PPP3CA: variants seen among roughly 807,000 people sequenced by gnomAD.
The protein encoded by PPP3CA is protein phosphatase 3 catalytic subunit alpha, also known as CAM-PRP catalytic subunit.
PPP3CA carries 14 observed loss-of-function variants against 66.5 expected under a neutral mutation model. That is an observed-to-expected ratio of 0.21 (90% CI 0.14 to 0.33). The LOEUF is 0.33. Among genes scored for constraint, PPP3CA ranks in the 10% least tolerant of loss-of-function variants. The pLI, the probability that PPP3CA is intolerant of heterozygous loss-of-function variation, is 1.00. For missense variants in PPP3CA, 317 were observed against 639.5 expected (o/e 0.50, Z 5.44); for synonymous variants, 232 against 226.2 (o/e 1.03, Z -0.23).
chr4:101,254,354 T>C (rs9991157), intron 1 of PPP3CA, among the ~76,000 whole-genome samples: 5,769 of 152,106 alleles, frequency 0.038, 350 homozygotes, highest in African/African-American at 0.13. Context: ...CTGCTAGTTA[T>C]AGAATGTGTA....
At chr4:101,224,643 C>T (rs138688098) in intron 1 of PPP3CA, among the ~76,000 whole-genome samples, 73 of 151,788 alleles carry the variant, frequency 4.8e-4, no homozygotes, top group Admixed American at 1.7e-3. Flanking sequence ...GAAAAACCTG[C>T]CGTAGCTAAT....
intron 10 of PPP3CA, among the ~76,000 whole-genome samples, chr4:101,051,954 T>C (rs528769270): frequency 2.6e-4 from 39 of 152,092 alleles, no homozygotes; most frequent in Middle Eastern, 3.2e-3. Flanking sequence ...TAATATTACC[T>C]TACTGTGAGT....
intron 2 of PPP3CA, among the ~76,000 whole-genome samples, chr4:101,115,154 T>G (rs1360066570): frequency 6.6e-6 from 1 of 152,044 alleles, no homozygotes; most frequent in Non-Finnish European, 1.5e-5. Flanking sequence ...AGGGACTCTT[T>G]GTAGTTAGCT....
At chr4:101,338,544 G>A (rs1729707989) in intron 1 of PPP3CA, among the ~76,000 whole-genome samples, 1 of 152,188 alleles carries the variant, frequency 6.6e-6, no homozygotes, top group African/African-American at 2.4e-5. Flanking sequence ...TAGAACTTCT[G>A]TCTCTAGGAC....
At chr4:101,066,438 G>C (rs1209980955) in intron 8 of PPP3CA, among the ~76,000 whole-genome samples, 1 of 152,002 alleles carries the variant, frequency 6.6e-6, no homozygotes, top group Non-Finnish European at 1.5e-5. Flanking sequence ...AAACTTCACT[G>C]TTAACAATGA....
chr4:101,111,913 G>T (rs1326392057), intron 2 of PPP3CA, among the ~76,000 whole-genome samples: 2 of 152,130 alleles, frequency 1.3e-5, no homozygotes, highest in Non-Finnish European at 2.9e-5. Flanking sequence ...ATAGAACTCC[G>T]GTGCTTGGAG....
At chr4:101,064,492 G>T (rs1023649740) in intron 8 of PPP3CA, among the ~76,000 whole-genome samples, 3 of 151,930 alleles carry the variant, frequency 2.0e-5, no homozygotes, top group African/African-American at 7.2e-5. Context: ...GTAACCAACA[G>T]ATTTTATATG....
chr4:101,316,690 T>C (rs551893459), intron 1 of PPP3CA, among the ~76,000 whole-genome samples: 2 of 152,332 alleles, frequency 1.3e-5, no homozygotes, highest in Non-Finnish European at 2.9e-5. Flanking sequence ...AGCAATCAAA[T>C]CTGAGAGTTG....
At chr4:101,072,542 G>A (rs774000324) in intron 8 of PPP3CA, among the ~76,000 whole-genome samples, 2 of 152,106 alleles carry the variant, frequency 1.3e-5, no homozygotes, top group Non-Finnish European at 2.9e-5. Context: ...GTAATTCATA[G>A]GGTTGTTGAA....
At chr4:101,165,849 C>A (rs892930019) in intron 2 of PPP3CA, among the ~76,000 whole-genome samples, 7 of 152,036 alleles carry the variant, frequency 4.6e-5, no homozygotes, top group Admixed American at 4.6e-4. Context: ...TTCTATATAA[C>A]AACAGAAGTG....
At chr4:101,256,370 C>A (rs566583572) in intron 1 of PPP3CA, among the ~76,000 whole-genome samples, 5 of 151,954 alleles carry the variant, frequency 3.3e-5, no homozygotes, top group Non-Finnish European at 7.4e-5. Flanking sequence ...TCTGGCAAAT[C>A]ATCACTGGCT....
At position 101,106,458 on chromosome 4, in the gene PPP3CA, A is replaced by AGAAAGAAAG. The variant is rs1560605216; in HGVS notation, c.384+2495_384+2496insCTTTCTTTC. 2.1e-4 allele frequency among the ~76,000 whole-genome samples: 7 copies of AGAAAGAAAG among 32,674 alleles called. 1 individual carries two copies. The highest frequency in any genetic ancestry group is 4.0e-4 in the Non-Finnish European group (7 of 17,304). The allele number at this position is 32,674 out of a possible 152,430, so 21.4% of individuals were successfully genotyped here. A position where few individuals can be genotyped will look rare whatever the true frequency, so the allele number is the denominator to read the frequency against. ...GAAAGAAAGAAAGAAAGAAAGAGAA[A>AGAAAGAAAG]AGAAAAGAAAAGAAAAGAAAAGAAA... On this transcript the variant is annotated intron_variant, in intron 3 of 13. Coordinates refer to ENST00000394854, the MANE Select transcript of PPP3CA (RefSeq NM_000944.5).
chr4:101,074,484 G>T (rs1391581208), intron 8 of PPP3CA, among the ~76,000 whole-genome samples: 1 of 152,138 alleles, frequency 6.6e-6, no homozygotes, highest in Non-Finnish European at 1.5e-5. Context: ...CAGTGTCACT[G>T]AGGGTTCCCG....
intron 1 of PPP3CA, among the ~76,000 whole-genome samples, chr4:101,271,692 T>C (rs1727340688): frequency 6.6e-6 from 1 of 152,178 alleles, no homozygotes; most frequent in Non-Finnish European, 1.5e-5. Flanking sequence ...GAATCATTCC[T>C]CTTCCTGTTG....
chr4:101,238,088 G>A (rs891727018), intron 1 of PPP3CA, among the ~76,000 whole-genome samples: 1 of 151,800 alleles, frequency 6.6e-6, no homozygotes, highest in Non-Finnish European at 1.5e-5. Flanking sequence ...TCTGTTTCTC[G>A]GCAACAACAA....
intron 2 of PPP3CA, among the ~76,000 whole-genome samples, chr4:101,155,022 G>A (rs991656386): frequency 5.9e-5 from 9 of 151,886 alleles, no homozygotes; most frequent in African/African-American, 1.7e-4. Context: ...TCACCATGTT[G>A]GCCAGGATGT....
At chr4:101,210,265 T>C (rs1725259952) in intron 1 of PPP3CA, among the ~76,000 whole-genome samples, 1 of 152,144 alleles carries the variant, frequency 6.6e-6, no homozygotes, top group African/African-American at 2.4e-5. Context: ...AACTCTATGG[T>C]CCGGCTATAA....
intron 6 of PPP3CA, among the ~76,000 whole-genome samples, chr4:101,090,771 A>G (rs1472651650): frequency 6.6e-6 from 1 of 151,194 alleles, no homozygotes. Flanking sequence ...TATTCTAAAT[A>G]TATTCTATAT....
At chr4:101,101,728 C>A (rs956811212) in intron 3 of PPP3CA, among the ~76,000 whole-genome samples, 1 of 152,058 alleles carries the variant, frequency 6.6e-6, no homozygotes, top group Non-Finnish European at 1.5e-5. Context: ...TCCCATGAAA[C>A]CACTACCCAG....
Sources: gnomAD v4.1 joint callset for allele counts (sites outside exome capture counted in the v4.1 genomes callset) on GRCh38, gnomAD v4.1.1 for gene constraint, MANE v1.5 for transcripts, NCBI Gene and HGNC (gene_info 2026-07-23, HGNC 2026-07-21) for gene names.